Variants in MROH1 observed in about 807,000 individuals in gnomAD.
MROH1 encodes the protein maestro heat like repeat family member 1.
Under a neutral mutation model 116.5 loss-of-function variants are expected in MROH1, and 117 were observed. The ratio of observed to expected loss-of-function variants is 1.00; its 90% CI spans 0.86 to 1.17. MROH1 has a LOEUF of 1.17. MROH1 is among the 50% of genes most tolerant of loss of function. MROH1 has a pLI of 0.00. For synonymous variants in MROH1, 921 were observed against 583.9 expected, an observed-to-expected ratio of 1.58 and a Z score of -8.32; for missense variants, 1,873 against 1,338.5, an observed-to-expected ratio of 1.40 and a Z score of -6.23.
chr8:144,242,790 C>T (rs1162963246), intron 24 of MROH1, among the ~76,000 whole-genome samples, 162 bp downstream of exon 24: 1 of 152,230 alleles, frequency 6.6e-6, no homozygotes, highest in East Asian at 1.9e-4. Flanking sequence ...ACCAGGGCTC[C>T]TTCCCTGGCC....
chr8:144,201,178 T>A (rs2131826145), intron 12 of MROH1: 1 of 151,910 alleles, frequency 6.6e-6, no homozygotes, highest in African/African-American at 2.4e-5. Flanking sequence ...AGCCTCAGCC[T>A]CCCGAGTAGC....
rs1352889197 is a variant in MROH1 at position 144,259,851 on chromosome 8, C to A, written c.4045-60C>A. ...CAGCCTCTGGTGTTCTGGGCCTGGG[C>A]TGGTGGGTTGAGCCCTGGGGTCAGC... On this transcript the variant is annotated intron_variant, in intron 37 of 43. Transcript: ENST00000326134. The A allele has an allele frequency of 2.7e-5, 19 of 714,542 alleles. No homozygotes were observed. In the East Asian group the frequency reaches 4.3e-4, roughly 16 times the overall value. The allele number at this position is 714,542 out of a possible 1,614,324, so 44.3% of individuals were successfully genotyped here.
intron 12 of MROH1, among the ~76,000 whole-genome samples, chr8:144,212,361 A>G (rs1159248388): frequency 3.9e-5 from 6 of 152,072 alleles, no homozygotes; most frequent in African/African-American, 9.7e-5. Flanking sequence ...CTGGCATTAC[A>G]GGTATGAGTC....
chr8:144,257,210 A>T (rs1305790795), intron 35 of MROH1, among the ~76,000 whole-genome samples: 1 of 152,204 alleles, frequency 6.6e-6, no homozygotes, highest in Admixed American at 6.5e-5. Context: ...TCAGGCCCCA[A>T]CACTGGAACC....
intron 14 of MROH1, among the ~76,000 whole-genome samples, chr8:144,230,802 C>CTTTTTT (rs1161687289): frequency 1.3e-4 from 9 of 68,592 alleles, no homozygotes; most frequent in East Asian, 4.6e-4. Flanking sequence ...AAAAGGTTTT[C>CTTTTTT]TTTTTTTTTT....
intron 7 of MROH1, among the ~76,000 whole-genome samples, chr8:144,184,716 G>A (rs2131429473): frequency 6.6e-6 from 1 of 152,334 alleles, no homozygotes; most frequent in Non-Finnish European, 1.5e-5. Context: ...AGGGGGTGCG[G>A]GGCAGGCGTC....
intron 7 of MROH1, 117 bp from the exon 8 acceptor site, chr8:144,190,667 T>A: frequency 1.6e-6 from 2 of 1,262,768 alleles, no homozygotes; most frequent in South Asian, 2.8e-5. Context: ...GCTGGTGTTC[T>A]AGGGAGGGCA....
intron 29 of MROH1, among the ~76,000 whole-genome samples, chr8:144,245,495 C>G (rs1841732745): frequency 6.6e-6 from 1 of 152,256 alleles, no homozygotes; most frequent in African/African-American, 2.4e-5. Context: ...CACCTCTGGT[C>G]TCCAGGGCTT....
chr8:144,221,056 A>C (rs1285234292), intron 13 of MROH1, among the ~76,000 whole-genome samples: 2 of 152,192 alleles, frequency 1.3e-5, no homozygotes, highest in African/African-American at 2.4e-5. Context: ...AGGAGGGCCC[A>C]CACACAGAGC....
chr8:144,154,942 C>T (rs1817687050), intron 1 of MROH1, among the ~76,000 whole-genome samples: 1 of 152,248 alleles, frequency 6.6e-6, no homozygotes, highest in Non-Finnish European at 1.5e-5. Context: ...CTCAGCCTCC[C>T]GAGTAGCTGG....
chr8:144,198,389 G>A (rs1296669466), intron 10 of MROH1, among the ~76,000 whole-genome samples: 1 of 152,182 alleles, frequency 6.6e-6, no homozygotes, highest in Non-Finnish European at 1.5e-5. Context: ...GCCCAGAGAT[G>A]CATCTGCCAG....
At chr8:144,241,283 A>G in intron 21 of MROH1, 112 bp from the exon 22 acceptor site, 3 of 696,756 alleles carry the variant, frequency 4.3e-6, no homozygotes, top group Admixed American at 2.0e-5. Context: ...TGTGTGTGCA[A>G]GTGTGCGCAT....
At chr8:144,229,651 A>G (rs1838462783) in intron 14 of MROH1, among the ~76,000 whole-genome samples, 1 of 152,094 alleles carries the variant, frequency 6.6e-6, no homozygotes, top group African/African-American at 2.4e-5. Flanking sequence ...TGGGTGACAG[A>G]GCAAGACTGT....
At chr8:144,259,160 G>A (rs1844489733) in intron 36 of MROH1, 80 bp from the exon 37 acceptor site, 4 of 702,662 alleles carry the variant, frequency 5.7e-6, no homozygotes, top group Non-Finnish European at 1.0e-5. Context: ...GAGCGGACCA[G>A]GGCTGTGCAG....
Position 144,255,667 on chromosome 8 carries a change from C to A in MROH1, c.3753C>A (p.Ala1251=). 1 of 767,108 alleles carries A rather than the reference C, an allele frequency of 1.3e-6. No homozygotes were observed. Among genetic ancestry groups the A allele is most frequent in the Non-Finnish European group, 2.4e-6 (1 of 412,454 alleles). 47.5% of individuals were successfully genotyped at this position (767,108 alleles called of 1,614,324 possible). A position where few individuals can be genotyped will look rare whatever the true frequency, so the allele number is the denominator to read the frequency against. ...RNLQAQERRG[A]SPALATRNLE... The stretch of plus-strand genomic sequence containing the variant: ...TGCAGGCCCAGGAAAGGAGGGGTGC[C>A]AGTCCAGCCCTAGCCACCAGGAACC... Residue 1251 remains alanine (A), a synonymous_variant, in exon 35 of 44, where the codon GCC becomes GCA. Transcript: ENST00000326134.
At chr8:144,220,227 C>T (rs1011323924) in intron 12 of MROH1, among the ~76,000 whole-genome samples, 2 of 152,146 alleles carry the variant, frequency 1.3e-5, no homozygotes, top group African/African-American at 2.4e-5. Context: ...GCTGAGTCAG[C>T]GCCTGGAGGG....
In MROH1 at chr8:144,186,487, C is replaced by T. The variant is rs145676603; in HGVS notation, c.563-4297C>T. On this transcript the variant is annotated intron_variant, in intron 7 of 43. Transcript: ENST00000326134. Reference sequence around the variant, plus strand: ...TCCAGGGACCAGCCTCACTCAGGGTCTGCCCTCCCCGTCCATGCCCCTGCT... The same window carrying T: ...TCCAGGGACCAGCCTCACTCAGGGTTTGCCCTCCCCGTCCATGCCCCTGCT... 3.3e-3 allele frequency among the ~76,000 whole-genome samples: 504 copies of T among 152,276 alleles called. 3 individuals carry two copies. The highest frequency in any genetic ancestry group is 0.012 in the African/African-American group (488 of 41,554).
In MROH1 at chr8:144,244,268, C is replaced by T. The variant is rs959517553; in HGVS notation, c.2602C>T (p.His868Tyr). The T allele has an allele frequency of 1.1e-5, 8 of 718,674 alleles. No individual in the cohort carries two copies. Among genetic ancestry groups the T allele is most frequent in the Non-Finnish European group, 1.8e-5 (7 of 385,184 alleles). 44.5% of individuals were successfully genotyped at this position (718,674 alleles called of 1,614,324 possible). A position where few individuals can be genotyped will look rare whatever the true frequency, so the allele number is the denominator to read the frequency against. Reference protein sequence around the residue: ...LDEQARADVIHGCLHSIMALL... With the variant: ...LDEQARADVIYGCLHSIMALL... ...CGAGCAGGCCCGGGCGGATGTGATC[C>T]ATGGCTGCCTGCACAGCATCATGGC... Residue 868 changes from histidine to tyrosine, a missense_variant, in exon 27 of 44, where the codon CAT becomes TAT. His to Tyr is a moderately conservative substitution (Grantham distance 83). Coordinates refer to ENST00000326134, the MANE Select transcript of MROH1 (RefSeq NM_032450.3).
intron 34 of MROH1, 38 bp from the exon 35 acceptor site, chr8:144,255,471 T>C: frequency 2.6e-6 from 2 of 774,290 alleles, no homozygotes; most frequent in South Asian, 1.4e-5. Context: ...TCCTGCGGCC[T>C]GGAGGGAGGC....
Sources: allele counts gnomAD v4.1 joint callset (sites outside exome capture counted in the v4.1 genomes callset), GRCh38; gene constraint gnomAD v4.1.1; transcripts MANE v1.5; gene names NCBI Gene and HGNC (gene_info 2026-07-23, HGNC 2026-07-21).